The following ACTMAP variants were observed in gnomAD, a reference collection of about 807,000 sequenced individuals.
ACTMAP encodes the protein actin maturation protease.
chr19:40,743,493 G>C, the ACTMAP span, among the ~76,000 whole-genome samples: 1 of 151,988 alleles, frequency 6.6e-6, no homozygotes, highest in Non-Finnish European at 1.5e-5. Context: ...TTGGCCTCCC[G>C]AAGTGCTGGG....
chr19:40,745,244 A>C, the ACTMAP span: 1 of 1,540,830 alleles, frequency 6.5e-7, no homozygotes, highest in Non-Finnish European at 8.8e-7. Flanking sequence ...GCTCTGAAGC[A>C]CCCCCTACCC....
At chr19:40,749,951 G>A in the ACTMAP span, 2 of 597,684 alleles carry the variant, frequency 3.3e-6, no homozygotes, top group South Asian at 7.0e-5. Context: ...GAAAGGACCA[G>A]GGCTAATATT....
At chr19:40,746,669 C>T in the ACTMAP span, among the ~76,000 whole-genome samples, 2 of 152,300 alleles carry the variant, frequency 1.3e-5, no homozygotes, top group East Asian at 3.9e-4. Flanking sequence ...GCCACTGCAC[C>T]CGGCCCTTTT....
the ACTMAP span, among the ~76,000 whole-genome samples, chr19:40,745,734 G>A: frequency 1.3e-5 from 2 of 152,202 alleles, no homozygotes; most frequent in Non-Finnish European, 2.9e-5. Context: ...GTGCAACAGC[G>A]CGATCTCAGC....
the ACTMAP span, chr19:40,740,919 G>C: frequency 2.5e-6 from 1 of 398,602 alleles, no homozygotes. Flanking sequence ...GCTGGGTGGG[G>C]TAACAGGATA....
chr19:40,749,515 C>T, the ACTMAP span: 3 of 1,545,720 alleles, frequency 1.9e-6, no homozygotes, highest in South Asian at 3.6e-5. Context: ...CTCTTCACAT[C>T]TTCTCTGCCC....
the ACTMAP span, among the ~76,000 whole-genome samples, chr19:40,747,612 T>C: frequency 1.3e-4 from 20 of 152,168 alleles, no homozygotes; most frequent in East Asian, 3.3e-3. Flanking sequence ...TCCAGCACTT[T>C]GGGTGGTCGA....
At chr19:40,747,438 C>G in the ACTMAP span, among the ~76,000 whole-genome samples, 5 of 151,624 alleles carry the variant, frequency 3.3e-5, no homozygotes, top group African/African-American at 1.2e-4. Context: ...CTCAGGAGGC[C>G]GAGGCAGAAG....
chr19:40,744,093 C>G, the ACTMAP span: 1 of 1,613,858 alleles, frequency 6.2e-7, no homozygotes, highest in Non-Finnish European at 8.5e-7. Context: ...GTCCAGTGAC[C>G]AGGTGCTGCA....
At chr19:40,749,670 G>A in the ACTMAP span, 1 of 1,539,218 alleles carries the variant, frequency 6.5e-7, no homozygotes. Context: ...CTGACTCCAG[G>A]GAGGGGATGG....
At chr19:40,741,444 A>G in the ACTMAP span, 3 of 51,188 alleles carry the variant, frequency 5.9e-5, no homozygotes, top group African/African-American at 1.0e-4. Context: ...CTCCATCTAA[A>G]AAAAAAAAAA....
At chr19:40,749,758 G>C in the ACTMAP span, 15 of 1,483,080 alleles carry the variant, frequency 1.0e-5, no homozygotes, top group South Asian at 4.1e-5. Context: ...GGGGTTTTTG[G>C]AGGAGAAATT....
the ACTMAP span, among the ~76,000 whole-genome samples, chr19:40,745,430 TCA>T: frequency 1.3e-5 from 2 of 152,146 alleles, no homozygotes; most frequent in Admixed American, 6.6e-5. Flanking sequence ...GCTCGCTCTC[TCA>T]GTTATTGAAG....
At chr19:40,743,155 C>G in the ACTMAP span, among the ~76,000 whole-genome samples, 1 of 151,978 alleles carries the variant, frequency 6.6e-6, no homozygotes, top group Non-Finnish European at 1.5e-5. Flanking sequence ...ACCTGGCCTT[C>G]TTTCTTTCAG....
chr19:40,749,552 G>A, the ACTMAP span: 3 of 1,551,240 alleles, frequency 1.9e-6, no homozygotes, highest in East Asian at 4.9e-5. Flanking sequence ...CCTTATCAAA[G>A]GCCTCCTTCA....
At chr19:40,745,408 T>C in the ACTMAP span, among the ~76,000 whole-genome samples, 2 of 152,222 alleles carry the variant, frequency 1.3e-5, no homozygotes, top group African/African-American at 4.8e-5. Context: ...TCCTTCTGCC[T>C]GCCTGCTCCC....
chr19:40,743,699 C>T, the ACTMAP span, among the ~76,000 whole-genome samples: 1 of 152,208 alleles, frequency 6.6e-6, no homozygotes, highest in Non-Finnish European at 1.5e-5. Context: ...GGAGCCCAGA[C>T]GGTCTGATCC....
the ACTMAP span, among the ~76,000 whole-genome samples, chr19:40,748,291 T>G: frequency 1.3e-4 from 20 of 151,912 alleles, no homozygotes; most frequent in African/African-American, 4.8e-4. Flanking sequence ...TGACAAACCC[T>G]GTCTCTACTA....
the ACTMAP span, chr19:40,742,657 C>T: frequency 6.2e-7 from 1 of 1,613,462 alleles, no homozygotes; most frequent in Non-Finnish European, 8.5e-7. Context: ...GAGCCCTCCT[C>T]TGGCAGGGAT....
Sources: allele counts gnomAD v4.1 joint callset (sites outside exome capture counted in the v4.1 genomes callset), GRCh38; gene constraint gnomAD v4.1.1; transcripts MANE v1.5; gene names NCBI Gene and HGNC (gene_info 2026-07-23, HGNC 2026-07-21).